Variants in DCDC1 observed in about 807,000 individuals in gnomAD.
DCDC1 encodes the protein doublecortin domain containing 1, also known as doublecortin domain-containing protein 1.
A neutral mutation model predicts 178.3 loss-of-function variants in DCDC1; 200 were observed. The ratio of observed to expected loss-of-function variants is 1.12; its 90% CI spans 1.00 to 1.26. The LOEUF (loss-of-function observed/expected upper bound fraction) is 1.26, where lower values mean the gene tolerates loss of function less well. DCDC1 is among the 50% of genes most tolerant of loss of function. The pLI, the probability that DCDC1 is intolerant of heterozygous loss-of-function variation, is 0.00. For missense variants in DCDC1, 1,983 were observed against 1,749.2 expected (o/e 1.13, Z -2.38); for synonymous variants, 690 against 604.8 (o/e 1.14, Z -2.07).
intron 38 of DCDC1, among the ~76,000 whole-genome samples, chr11:30,875,330 G>C (rs1179576062): frequency 6.6e-6 from 1 of 152,126 alleles, no homozygotes; most frequent in Non-Finnish European, 1.5e-5. Context: ...TCGTAGAGGG[G>C]ACACGGGGTT....
chr11:31,209,055 A>C (rs1307583940), intron 9 of DCDC1, among the ~76,000 whole-genome samples: 1 of 152,156 alleles, frequency 6.6e-6, no homozygotes, highest in Admixed American at 6.5e-5. Context: ...GATAGTAGAT[A>C]CTCAAATAAA....
chr11:31,247,821 C>T (rs1371367983), intron 8 of DCDC1, among the ~76,000 whole-genome samples: 3 of 151,942 alleles, frequency 2.0e-5, no homozygotes, highest in Non-Finnish European at 2.9e-5. Flanking sequence ...TCCCCTTCAA[C>T]AAAAATAATA....
At chr11:30,925,539 G>C in intron 22 of DCDC1, 131 bp from the exon 23 acceptor site, 1 of 771,314 alleles carries the variant, frequency 1.3e-6, no homozygotes, top group Non-Finnish European at 2.1e-6. Flanking sequence ...TCATGAGCTG[G>C]ACTCTGGGGC....
intron 36 of DCDC1, among the ~76,000 whole-genome samples, chr11:30,888,917 T>C (rs1943544130): frequency 6.6e-6 from 1 of 152,196 alleles, no homozygotes; most frequent in African/African-American, 2.4e-5. Context: ...AGTTTTGTTT[T>C]CATAGACCAG....
In DCDC1 at chr11:30,952,485, G is replaced by A; in HGVS notation, c.2675C>T (p.Thr892Ile). The change falls in exon 21 of 39, where the codon ACC becomes ATC. Residue 892 changes from threonine to isoleucine, a missense_variant. Physicochemically the swap from Thr to Ile is moderately conservative, Grantham distance 89 (BLOSUM62 -1). Transcript: ENST00000684477. ...ACTGGGAAGGACAGGCCACATGTAG[G>A]TAAGCTTGTTCCATAGAGGATTTTC... is the stretch of plus-strand genomic sequence containing the variant. ...RVENPLWNKL[T>I]YMWPVLPSGQ... 6.3e-7 allele frequency: 1 copy of A among 1,585,500 alleles called. No homozygotes were observed. The highest frequency in any genetic ancestry group is 1.1e-5 in the South Asian group (1 of 89,242).
Position 31,173,907 on chromosome 11 carries a change from C to T in DCDC1, c.1222-36123G>A, listed in dbSNP as rs148153536. On this transcript the variant is annotated intron_variant, in intron 9 of 38. Transcript: ENST00000684477. The stretch of plus-strand genomic sequence containing the variant: ...CTGTCTGTCTAAATGATGAGAGTGG[C>T]GGCCTGTCTAGGGCAGCTGCTGCCA... Among the ~76,000 whole-genome samples the T allele has an allele frequency of 1.2e-3, 181 of 152,212 alleles. 1 individual carries two copies. Among genetic ancestry groups the T allele is most frequent in the Middle Eastern group, 0.01 (3 of 294 alleles).
In DCDC1 at chr11:31,269,086, A is replaced by G. The variant is rs76074291; in HGVS notation, c.961-3486T>C. 3.5e-3 allele frequency among the ~76,000 whole-genome samples: 537 copies of G among 152,350 alleles called. 22 individuals are homozygous for G. The East Asian group carries it at 0.088, about 25-fold the overall frequency. ...TTAATAATGTATGAGCAACTCTGTCATTCCTTCCTACTTGAAGAATGAAAA... is the reference window on the plus strand; with the variant it reads ...TTAATAATGTATGAGCAACTCTGTCGTTCCTTCCTACTTGAAGAATGAAAA... On this transcript the variant is annotated intron_variant, in intron 7 of 38. Transcript: ENST00000684477.
chr11:31,133,780 T>C (rs1250130332), intron 10 of DCDC1, among the ~76,000 whole-genome samples: 1 of 152,170 alleles, frequency 6.6e-6, no homozygotes, highest in Non-Finnish European at 1.5e-5. Flanking sequence ...CTCGGCTCAC[T>C]GCAACTTCCA....
intron 9 of DCDC1, among the ~76,000 whole-genome samples, chr11:31,148,186 T>C (rs1213284635): frequency 1.4e-5 from 2 of 139,032 alleles, no homozygotes; most frequent in Non-Finnish European, 3.0e-5. Context: ...CCACAGAATG[T>C]GTAAGAGCTA....
At chr11:31,089,772 A>C (rs1957696063) in intron 17 of DCDC1, among the ~76,000 whole-genome samples, 1 of 152,010 alleles carries the variant, frequency 6.6e-6, no homozygotes, top group Non-Finnish European at 1.5e-5. Flanking sequence ...AATCTCTTGA[A>C]ATTTGAGTTC....
chr11:30,943,960 T>C, intron 21 of DCDC1: 1 of 238,948 alleles, frequency 4.2e-6, no homozygotes, highest in South Asian at 5.6e-5. Context: ...TCCTTAGTCA[T>C]CATTCTATTT....
chr11:31,220,695 G>A (rs968224218), intron 9 of DCDC1, among the ~76,000 whole-genome samples: 21 of 152,282 alleles, frequency 1.4e-4, no homozygotes, highest in African/African-American at 5.1e-4. Context: ...AATTTTGAAT[G>A]TGCAAAGTAC....
At chr11:31,150,009 G>A (rs1233477400) in intron 9 of DCDC1, among the ~76,000 whole-genome samples, 1 of 152,166 alleles carries the variant, frequency 6.6e-6, no homozygotes, top group Non-Finnish European at 1.5e-5. Context: ...TCTCCATACT[G>A]TTTTCCACGG....
At chr11:30,915,779 C>T (rs1945788200) in intron 26 of DCDC1, 68 bp from the exon 27 acceptor site, 1 of 1,502,560 alleles carries the variant, frequency 6.7e-7, no homozygotes, top group Non-Finnish European at 9.0e-7. Context: ...ACTTGATGTG[C>T]TGGAGATTAT....
chr11:30,902,187 G>C (rs1039237148), intron 32 of DCDC1, among the ~76,000 whole-genome samples: 1 of 152,114 alleles, frequency 6.6e-6, no homozygotes, highest in African/African-American at 2.4e-5. Context: ...GAGACTTTAA[G>C]AGGTGATTAG....
At chr11:31,295,805 A>G (rs1947644586) in intron 6 of DCDC1, among the ~76,000 whole-genome samples, 1 of 152,066 alleles carries the variant, frequency 6.6e-6, no homozygotes, top group African/African-American at 2.4e-5. Context: ...CTGACCTGAG[A>G]CGCGGTAAAG....
At chr11:31,330,973 T>C (rs1408211075) in intron 2 of DCDC1, among the ~76,000 whole-genome samples, 4 of 152,228 alleles carry the variant, frequency 2.6e-5, no homozygotes, top group Non-Finnish European at 5.9e-5. Context: ...AATCTAAAAT[T>C]ACCTTGGGCA....
chr11:30,929,267 T>C (rs937766420), intron 22 of DCDC1, among the ~76,000 whole-genome samples: 15 of 152,086 alleles, frequency 9.9e-5, no homozygotes, highest in African/African-American at 3.1e-4. Flanking sequence ...ACATCTGCTA[T>C]GAATGAAGCA....
intron 20 of DCDC1, among the ~76,000 whole-genome samples, chr11:31,037,640 T>A (rs1954150544): frequency 1.3e-5 from 2 of 151,988 alleles, no homozygotes; most frequent in Non-Finnish European, 2.9e-5. Flanking sequence ...TTTTTCGTAT[T>A]TTTTAGTAGA....
Sources: gnomAD v4.1 joint callset for allele counts (sites outside exome capture counted in the v4.1 genomes callset) on GRCh38, gnomAD v4.1.1 for gene constraint, MANE v1.5 for transcripts, NCBI Gene and HGNC (gene_info 2026-07-23, HGNC 2026-07-21) for gene names.